Variants in PDE8A observed in about 807,000 individuals in gnomAD.
The protein encoded by PDE8A is high affinity cAMP-specific and IBMX-insensitive 3',5'-cyclic phosphodiesterase 8A.
Under a neutral mutation model 105.0 loss-of-function variants are expected in PDE8A, and 59 were observed. That is an observed-to-expected ratio of 0.56 (90% CI 0.46 to 0.70). The LOEUF is 0.70. Among genes scored for constraint, PDE8A ranks in the 30% least tolerant of loss-of-function variants. PDE8A has a pLI of 0.00. For missense variants in PDE8A, 1,014 were observed against 1,045.9 expected, an observed-to-expected ratio of 0.97 and a Z score of 0.42; for synonymous variants, 355 against 371.9, an observed-to-expected ratio of 0.95 and a Z score of 0.52.
Position 85,117,643 on chromosome 15 carries a change from C to T in PDE8A, c.1538C>T (p.Pro513Leu). Residue 513 changes from proline to leucine, a missense_variant and splice_region_variant, in exon 17 of 22, where the codon CCT becomes CTT. Physicochemically the swap from Pro to Leu is moderately conservative, Grantham distance 98 (BLOSUM62 -3). Coordinates refer to ENST00000394553, the MANE Select transcript of PDE8A (RefSeq NM_002605.3). ...TGTGGGGTTTTTTCTGTCTATAGGC[C>T]TTTGATTTATCTTGGTCTCAAAATG... The part of the protein sequence containing the change: ...FELEAATHNR[P>L]LIYLGLKMFA... The T allele has an allele frequency of 6.2e-7, 1 of 1,613,760 alleles. No individual in the cohort carries two copies. Among genetic ancestry groups the T allele is most frequent in the East Asian group, 2.2e-5 (1 of 44,880 alleles).
chr15:85,081,815 G>A (rs1020283452), intron 5 of PDE8A, among the ~76,000 whole-genome samples: 4 of 152,050 alleles, frequency 2.6e-5, no homozygotes, highest in African/African-American at 9.7e-5. Flanking sequence ...TCACATGCTA[G>A]TTTTTTTTAC....
At chr15:85,036,322 G>T (rs1444488810) in intron 1 of PDE8A, among the ~76,000 whole-genome samples, 2 of 152,198 alleles carry the variant, frequency 1.3e-5, no homozygotes, top group East Asian at 3.8e-4. Flanking sequence ...CAGTGAATGT[G>T]ATGCTGTCTC....
At chr15:85,121,106 C>T in intron 18 of PDE8A, 92 bp downstream of exon 18, 1 of 809,726 alleles carries the variant, frequency 1.2e-6, no homozygotes, top group East Asian at 2.7e-5. Context: ...ACAGTTCACC[C>T]ATTTAAAGTG....
intron 1 of PDE8A, among the ~76,000 whole-genome samples, chr15:85,001,745 AAC>A (rs2080071093): frequency 6.6e-6 from 1 of 152,356 alleles, no homozygotes; most frequent in South Asian, 2.1e-4. Context: ...GTGTGGCACA[AAC>A]ACACTTTCTA....
intron 8 of PDE8A, among the ~76,000 whole-genome samples, chr15:85,097,602 G>T (rs1346866142): frequency 6.6e-6 from 1 of 152,178 alleles, no homozygotes; most frequent in Non-Finnish European, 1.5e-5. Flanking sequence ...CACAGGGGCA[G>T]AGGCTAAGCC....
chr15:85,079,449 T>C (rs920467317), intron 5 of PDE8A, among the ~76,000 whole-genome samples: 1 of 152,212 alleles, frequency 6.6e-6, no homozygotes, highest in African/African-American at 2.4e-5. Context: ...CTATGTCTGC[T>C]TTTGAGATGA....
chr15:85,009,110 A>AGTGT (rs56313426), intron 1 of PDE8A, among the ~76,000 whole-genome samples: 7,470 of 63,986 alleles, frequency 0.12, 580 homozygotes, highest in African/African-American at 0.31. Flanking sequence ...AGAGAGAGAG[A>AGTGT]GTGTGTGTGT....
intron 1 of PDE8A, among the ~76,000 whole-genome samples, chr15:85,040,686 G>C (rs1190385683): frequency 6.6e-6 from 1 of 150,628 alleles, no homozygotes; most frequent in African/African-American, 2.4e-5. Flanking sequence ...TCAGCCTCCT[G>C]AGTAGTTGGG....
chr15:85,119,023 G>C (rs1470740177), intron 17 of PDE8A, among the ~76,000 whole-genome samples: 1 of 152,150 alleles, frequency 6.6e-6, no homozygotes, highest in African/African-American at 2.4e-5. Flanking sequence ...GTCCAGAGAA[G>C]GGGACTGTTT....
intron 1 of PDE8A, among the ~76,000 whole-genome samples, chr15:85,018,781 A>G (rs1002461321): frequency 1.3e-5 from 2 of 152,224 alleles, no homozygotes; most frequent in Non-Finnish European, 2.9e-5. Context: ...AAGTTGTTAT[A>G]TGAATATGTA....
intron 1 of PDE8A, among the ~76,000 whole-genome samples, chr15:85,016,244 G>C (rs1163460534): frequency 2.0e-5 from 3 of 152,136 alleles, no homozygotes; most frequent in Non-Finnish European, 4.4e-5. Flanking sequence ...TCTGGAGTTT[G>C]AGTCATAATG....
intron 1 of PDE8A, among the ~76,000 whole-genome samples, chr15:85,038,853 G>A (rs1358161179): frequency 6.6e-6 from 1 of 152,214 alleles, no homozygotes; most frequent in East Asian, 1.9e-4. Context: ...TGAGGCCGGT[G>A]GCTCACACCT....
chr15:85,059,343 T>C (rs1318576541), intron 1 of PDE8A, among the ~76,000 whole-genome samples: 1 of 152,228 alleles, frequency 6.6e-6, no homozygotes, highest in African/African-American at 2.4e-5. Flanking sequence ...TATGTTGTTA[T>C]TGGGTAGCAC....
chr15:85,089,511 T>C, intron 7 of PDE8A, 95 bp downstream of exon 7: 1 of 642,356 alleles, frequency 1.6e-6, no homozygotes, highest in Non-Finnish European at 2.7e-6. Context: ...TTTTTTTTCT[T>C]TTTGAAGTTT....
At chr15:84,983,751 A>T (rs2079758490) in intron 1 of PDE8A, among the ~76,000 whole-genome samples, 1 of 152,244 alleles carries the variant, frequency 6.6e-6, no homozygotes, top group South Asian at 2.1e-4. Flanking sequence ...CAAATCTAAC[A>T]TTTTGCAGAC....
At chr15:85,137,322 C>G (rs1418889367) in intron 21 of PDE8A, among the ~76,000 whole-genome samples, 1 of 152,214 alleles carries the variant, frequency 6.6e-6, no homozygotes, top group Non-Finnish European at 1.5e-5. Context: ...CTGCAGCTCA[C>G]TGCTTCTGGG....
chr15:85,123,032 A>G, intron 18 of PDE8A, 29 bp from the exon 19 acceptor site: 1 of 1,610,968 alleles, frequency 6.2e-7, no homozygotes, highest in Non-Finnish European at 8.5e-7. Context: ...AGTAATTTGT[A>G]GCAGCCTCTA....
rs927756794 is a variant in PDE8A at position 85,100,207 on chromosome 15, C to A, written c.1036+9C>A. ...GTCTGACACTCATACAGGTACGGTG[C>A]CCCGTATTTATTCTTAGAGTTCATT... On this transcript the variant is annotated intron_variant, in intron 11 of 21. Transcript: ENST00000394553. The A allele has an allele frequency of 1.5e-5, 24 of 1,606,844 alleles. No individual in the cohort carries two copies. The highest frequency in any genetic ancestry group is 2.0e-5 in the Non-Finnish European group (23 of 1,174,476).
At chr15:85,123,729 TCAATC>T (rs1379693946) in intron 19 of PDE8A, among the ~76,000 whole-genome samples, 2 of 152,218 alleles carry the variant, frequency 1.3e-5, no homozygotes, top group Non-Finnish European at 1.5e-5. Flanking sequence ...TTTGTATTCT[TCAATC>T]CAATCAAGTT....
Sources: allele counts gnomAD v4.1 joint callset (sites outside exome capture counted in the v4.1 genomes callset), GRCh38; gene constraint gnomAD v4.1.1; transcripts MANE v1.5; gene names NCBI Gene and HGNC (gene_info 2026-07-23, HGNC 2026-07-21).